Variants in EXPH5 observed in about 807,000 individuals in gnomAD.
EXPH5 encodes the protein exophilin 5.
In EXPH5, 42 loss-of-function variants were observed where a neutral mutation model predicts 41.1. The ratio of observed to expected loss-of-function variants is 1.02; its 90% CI spans 0.80 to 1.32. EXPH5 has a LOEUF of 1.32. Ranked by LOEUF, EXPH5 falls within the 40% of genes most tolerant of loss-of-function variation. EXPH5 has a pLI of 0.00. For missense variants in EXPH5, 2,298 were observed against 2,314.5 expected (o/e 0.99, Z 0.15); for synonymous variants, 798 against 833.5 (o/e 0.96, Z 0.73).
chr11:108,550,756 G>A (rs879354006), intron 1 of EXPH5, among the ~76,000 whole-genome samples: 1 of 152,062 alleles, frequency 6.6e-6, no homozygotes, highest in Non-Finnish European at 1.5e-5. Context: ...TCCAGCCTGG[G>A]CAACAGAGTG....
rs1163136893 is a variant in EXPH5, at chr11:108,514,285, C to T, written c.1222G>A (p.Gly408Ser). The T allele has an allele frequency of 1.9e-6, 3 of 1,613,768 alleles. No individual in the cohort carries two copies. The highest frequency in any genetic ancestry group is 1.7e-6 in the Non-Finnish European group (2 of 1,179,888). Residue 408 changes from glycine (G) to serine (S), a missense_variant, in exon 6 of 6, where the codon GGT becomes AGT. Gly to Ser is a moderately conservative substitution (Grantham distance 56). Transcript: ENST00000265843. ...TCATATCTCTTATTCTCCTGAAAAC[C>T]CCTGGGATACACATACTTGTCAGCG... Reference protein sequence around the residue: ...DPADKYVYPRGFQENKRYESY... With the variant: ...DPADKYVYPRSFQENKRYESY...
chr11:108,590,045 C>T (rs10890867), intron 1 of EXPH5, among the ~76,000 whole-genome samples: 32,107 of 152,142 alleles, frequency 0.21, 4,336 homozygotes, highest in South Asian at 0.32. Context: ...GTGGCCATCT[C>T]CTCCACCTTA....
In EXPH5 at chr11:108,510,750, T is replaced by C; in HGVS notation, c.4757A>G (p.Glu1586Gly). 1 of 1,614,178 alleles carries C rather than the reference T, an allele frequency of 6.2e-7. No homozygotes were observed. The highest frequency in any genetic ancestry group is 8.5e-7 in the Non-Finnish European group (1 of 1,180,032). ...KTNLDDLVKGENRSSVKHRLA... is the reference protein window; with the variant it reads ...KTNLDDLVKGGNRSSVKHRLA... The stretch of plus-strand genomic sequence containing the variant: ...TCTGTGTTTAACTGAAGATCTATTT[T>C]CCCCCTTTACTAGGTCATCCAAGTT... The change falls in exon 6 of 6, where the codon GAA becomes GGA. Residue 1586 changes from glutamate (E) to glycine (G), a missense_variant. Physicochemically the swap from Glu to Gly is moderately conservative, Grantham distance 98. Coordinates refer to ENST00000265843, the MANE Select transcript of EXPH5 (RefSeq NM_015065.3).
chr11:108,518,790 G>A (rs1009948205), intron 4 of EXPH5, among the ~76,000 whole-genome samples: 14 of 152,160 alleles, frequency 9.2e-5, no homozygotes, highest in Admixed American at 4.6e-4. Context: ...CGAGGTACAG[G>A]TCATAAAGAT....
At chr11:108,579,001 C>G (rs774429144) in intron 1 of EXPH5, among the ~76,000 whole-genome samples, 2 of 152,114 alleles carry the variant, frequency 1.3e-5, no homozygotes, top group African/African-American at 2.4e-5. Flanking sequence ...TTATTTCTTT[C>G]TCTTGCCTAA....
At position 108,512,735 on chromosome 11, in the gene EXPH5, T is replaced by C; in HGVS notation, c.2772A>G (p.Lys924=). ...KDPSLGEREE[K]DNAGKNQKNQ... ...TCTTTTGGTTCTTCCCAGCATTGTC[T>C]TTTTCTTCTCTTTCTCCTAGCGATG... The change falls in exon 6 of 6, where the codon AAA becomes AAG. Residue 924 remains lysine, a synonymous_variant. Coordinates refer to ENST00000265843, the MANE Select transcript of EXPH5 (RefSeq NM_015065.3). 1 of 1,613,724 alleles carries C rather than the reference T, an allele frequency of 6.2e-7. No individual in the cohort carries two copies. Among genetic ancestry groups the C allele is most frequent in the Non-Finnish European group, 8.5e-7 (1 of 1,179,918 alleles).
At chr11:108,544,897 T>C (rs1438350834) in intron 1 of EXPH5, among the ~76,000 whole-genome samples, 1 of 152,222 alleles carries the variant, frequency 6.6e-6, no homozygotes, top group East Asian at 1.9e-4. Flanking sequence ...ATTTCTATTT[T>C]TAGCTTATTT....
At chr11:108,553,297 G>A (rs2093975825) in intron 1 of EXPH5, among the ~76,000 whole-genome samples, 1 of 152,162 alleles carries the variant, frequency 6.6e-6, no homozygotes, top group African/African-American at 2.4e-5. Flanking sequence ...AGTTATCTAA[G>A]TAACAATAAG....
rs376066226 is a variant in EXPH5, at chr11:108,512,530, A to G, written c.2977T>C (p.Ser993Pro). 8 of 1,612,704 alleles carry G rather than the reference A, an allele frequency of 5.0e-6. No homozygotes were observed. In the African/African-American group the frequency reaches 8.0e-5, roughly 16 times the overall value. The change falls in exon 6 of 6, where the codon TCA becomes CCA. Residue 993 changes from serine (S) to proline (P), a missense_variant. Transcript: ENST00000265843. ...CTCCTGTGATCACTGGTGGGTACTG[A>G]TATACTTTCTGTTTTGCTTAACTTT... ...IEKLSKTESI[S>P]VPTSDHRSLI... is the part of the protein sequence containing the mutation.
intron 1 of EXPH5, among the ~76,000 whole-genome samples, chr11:108,570,934 G>T (rs576602765): frequency 6.6e-6 from 1 of 152,174 alleles, no homozygotes; most frequent in African/African-American, 2.4e-5. Flanking sequence ...TTTTAGACAC[G>T]TGCAAGTTGT....
rs750704295 is a variant in EXPH5 at position 108,593,746 on chromosome 11, C to T, written c.-210G>A. ...ACCTTAATGACATGTTTCTCTCAACCTGTCCAACCGAGATGCAAAGTGAAC... is the reference window on the plus strand; with the variant it reads ...ACCTTAATGACATGTTTCTCTCAACTTGTCCAACCGAGATGCAAAGTGAAC... On this transcript the variant is annotated 5_prime_UTR_variant, in exon 1 of 6. Coordinates refer to ENST00000265843, the MANE Select transcript of EXPH5 (RefSeq NM_015065.3). The T allele has an allele frequency of 2.9e-5, 45 of 1,536,198 alleles. No homozygotes were observed. The Admixed American group carries it at 8.6e-4, about 29-fold the overall frequency.
intron 1 of EXPH5, among the ~76,000 whole-genome samples, chr11:108,553,386 T>G (rs926407552): frequency 2.6e-5 from 4 of 152,154 alleles, no homozygotes; most frequent in Admixed American, 6.5e-5. Flanking sequence ...ATAGTCACCC[T>G]CAAGAAGGTG....
chr11:108,514,559 A>G lies in EXPH5; in HGVS notation c.948T>C (p.Phe316=), dbSNP rs773292363. 8 of 1,613,954 alleles carry G rather than the reference A, an allele frequency of 5.0e-6. No homozygotes were observed. The African/African-American group carries it at 6.7e-5, about 13-fold the overall frequency. ...FKEDYVQKNT[F]GSTSLCFDSR... The stretch of plus-strand genomic sequence containing the variant: ...TGTCAAAACACAGCGAAGTACTGCC[A>G]AAAGTATTCTTTTGCACATAATCTT... The change falls in exon 6 of 6, where the codon TTT becomes TTC. Residue 316 remains phenylalanine (F), a synonymous_variant. Coordinates refer to ENST00000265843, the MANE Select transcript of EXPH5 (RefSeq NM_015065.3).
intron 1 of EXPH5, among the ~76,000 whole-genome samples, chr11:108,573,192 GAA>G (rs762836604): frequency 0.019 from 2,716 of 139,650 alleles, 70 homozygotes; most frequent in East Asian, 0.094. Flanking sequence ...AAGAAAGAAA[GAA>G]AGAAAAAGAA....
intron 1 of EXPH5, among the ~76,000 whole-genome samples, chr11:108,585,304 C>G (rs555497699): frequency 1.3e-5 from 2 of 152,256 alleles, no homozygotes; most frequent in Admixed American, 1.3e-4. Flanking sequence ...AAGTATGTGT[C>G]CCCCCAGAAT....
At position 108,513,292 on chromosome 11, in the gene EXPH5, A is replaced by G. The variant is rs2093696767; in HGVS notation, c.2215T>C (p.Leu739=). The G allele has an allele frequency of 1.2e-6, 2 of 1,612,596 alleles. No individual in the cohort carries two copies. The highest frequency in any genetic ancestry group is 1.7e-6 in the Non-Finnish European group (2 of 1,179,500). ...PVSQTGISNS[L]PDFQNPLSQD... ...GATAAGGGATTTTGAAAATCAGGTA[A>G]AGAGTTTGAGATCCCTGTCTGTGAA... is the stretch of plus-strand genomic sequence containing the variant. The change falls in exon 6 of 6, where the codon TTA becomes CTA. Residue 739 remains leucine, a synonymous_variant. Transcript: ENST00000265843.
rs1209087424 is a variant in EXPH5 at position 108,508,579 on chromosome 11, C to T, written c.*958G>A. ...AAAGAAAATGTGAAAATGGATAGTT[C>T]TGAGGAAATGGGAAAAGCCAGTTGC... is the stretch of plus-strand genomic sequence containing the variant. On this transcript the variant is annotated 3_prime_UTR_variant, in exon 6 of 6. Coordinates refer to ENST00000265843, the MANE Select transcript of EXPH5 (RefSeq NM_015065.3). 3 of 152,414 alleles carry T rather than the reference C, an allele frequency of 2.0e-5. No homozygotes were observed. Among genetic ancestry groups the T allele is most frequent in the Admixed American group, 2.0e-4 (3 of 15,288 alleles). 9.4% of individuals were successfully genotyped at this position (152,414 alleles called of 1,614,324 possible). A position where few individuals can be genotyped will look rare whatever the true frequency, so the allele number is the denominator to read the frequency against.
At chr11:108,572,506 G>T (rs1447319633) in intron 1 of EXPH5, among the ~76,000 whole-genome samples, 1 of 152,146 alleles carries the variant, frequency 6.6e-6, no homozygotes, top group Non-Finnish European at 1.5e-5. Context: ...AACATGTGAG[G>T]TTCTTATTTT....
intron 1 of EXPH5, among the ~76,000 whole-genome samples, chr11:108,548,396 A>C (rs1176541180): frequency 6.6e-6 from 1 of 152,198 alleles, no homozygotes; most frequent in Non-Finnish European, 1.5e-5. Flanking sequence ...GAAGATAGTG[A>C]GAAATGAAAT....
Sources: allele counts gnomAD v4.1 joint callset (sites outside exome capture counted in the v4.1 genomes callset), GRCh38; gene constraint gnomAD v4.1.1; transcripts MANE v1.5; gene names NCBI Gene and HGNC (gene_info 2026-07-23, HGNC 2026-07-21).